Variants in LRRC7 observed in about 807,000 individuals in gnomAD.
LRRC7 encodes leucine-rich repeat-containing protein 7.
LRRC7 carries 23 observed loss-of-function variants against 175.7 expected under a neutral mutation model. The ratio of observed to expected loss-of-function variants is 0.13; its 90% CI spans 0.09 to 0.19. LRRC7 has a LOEUF of 0.19. Among genes scored for constraint, LRRC7 ranks in the 10% least tolerant of loss-of-function variants. The probability of loss-of-function intolerance (pLI) is 1.00; values close to 1 mark genes in which losing one functional copy is unlikely to be tolerated. For synonymous variants in LRRC7, 685 were observed against 680.9 expected, an observed-to-expected ratio of 1.01 and a Z score of -0.09; for missense variants, 1,354 against 1,904.7, an observed-to-expected ratio of 0.71 and a Z score of 5.38.
At chr1:69,848,074 A>G (rs1314311772) in intron 7 of LRRC7, among the ~76,000 whole-genome samples, 1 of 152,002 alleles carries the variant, frequency 6.6e-6, no homozygotes, top group African/African-American at 2.4e-5. Context: ...ATTATCCCTT[A>G]ACTTTCCCAC....
At chr1:69,824,877 G>A (rs779416652) in intron 4 of LRRC7, among the ~76,000 whole-genome samples, 8 of 152,070 alleles carry the variant, frequency 5.3e-5, no homozygotes, top group Non-Finnish European at 1.2e-4. Flanking sequence ...CAGGCATATC[G>A]CATAATAACA....
chr1:69,923,810 T>G lies in LRRC7; in HGVS notation c.648-7697T>G, dbSNP rs903444656. Among the ~76,000 whole-genome samples, 408 of 151,230 alleles carry G rather than the reference T, an allele frequency of 2.7e-3. 1 individual carries two copies. Among genetic ancestry groups the G allele is most frequent in the African/African-American group, 5.5e-3 (226 of 40,732 alleles). ...GTGCAGAAGCTCTTTAGTTTAATTA[T>G]ATCCCATTTGTCAATTTTGTCTTTT... is the stretch of plus-strand genomic sequence containing the variant. On this transcript the variant is annotated intron_variant, in intron 7 of 26. Transcript: ENST00000651989.
chr1:69,731,228 G>A (rs966598992), intron 2 of LRRC7, among the ~76,000 whole-genome samples: 1 of 152,062 alleles, frequency 6.6e-6, no homozygotes, highest in Non-Finnish European at 1.5e-5. Flanking sequence ...TGTGAACCTG[G>A]GAGGCTGAGC....
At chr1:69,922,783 ATTC>A (rs1420010183) in intron 7 of LRRC7, among the ~76,000 whole-genome samples, 1 of 151,716 alleles carries the variant, frequency 6.6e-6, no homozygotes, top group Non-Finnish European at 1.5e-5. Context: ...TCGAAATACT[ATTC>A]TTTTTTTTAA....
intron 4 of LRRC7, among the ~76,000 whole-genome samples, chr1:69,820,346 A>G (rs1279536887): frequency 6.6e-6 from 1 of 152,054 alleles, no homozygotes; most frequent in African/African-American, 2.4e-5. Context: ...CACACATTTT[A>G]GGTATTTGAT....
chr1:69,677,381 T>C (rs1379163380), intron 1 of LRRC7, among the ~76,000 whole-genome samples: 1 of 151,710 alleles, frequency 6.6e-6, no homozygotes, highest in Non-Finnish European at 1.5e-5. Context: ...GTAATAAACA[T>C]ATGAGTGCAG....
Position 69,568,198 on chromosome 1 carries a change from C to A in LRRC7, c.-442C>A, listed in dbSNP as rs1238297901. Among the ~76,000 whole-genome samples, 10 of 151,730 alleles carry A rather than the reference C, an allele frequency of 6.6e-5. No individual in the cohort carries two copies. Among genetic ancestry groups the A allele is most frequent in the Admixed American group, 6.6e-4 (10 of 15,260 alleles). On this transcript the variant is annotated 5_prime_UTR_variant, in exon 1 of 27. Coordinates refer to ENST00000651989, the MANE Select transcript of LRRC7 (RefSeq NM_001370785.2). ...TTACGGAGTTGGGTGCAGGATTCGC[C>A]TTTCCTGCTTGTCTCTTCTCCGCCC...
intron 4 of LRRC7, among the ~76,000 whole-genome samples, chr1:69,795,682 AC>A (rs1367544689): frequency 6.6e-6 from 1 of 152,032 alleles, no homozygotes; most frequent in Non-Finnish European, 1.5e-5. Flanking sequence ...TAGATGAGTG[AC>A]CCCTTAAAGA....
At chr1:69,965,327 G>A (rs1277916515) in intron 8 of LRRC7, among the ~76,000 whole-genome samples, 1 of 152,070 alleles carries the variant, frequency 6.6e-6, no homozygotes, top group Non-Finnish European at 1.5e-5. Context: ...GTCATTTCGT[G>A]TATTGTCATT....
chr1:69,807,180 T>C (rs897609238), intron 4 of LRRC7, among the ~76,000 whole-genome samples: 3 of 152,082 alleles, frequency 2.0e-5, no homozygotes, highest in Non-Finnish European at 2.9e-5. Context: ...ATTTTGAGCT[T>C]ATGTGTGTCT....
chr1:69,746,499 T>C (rs1669269280), intron 2 of LRRC7, among the ~76,000 whole-genome samples: 1 of 152,166 alleles, frequency 6.6e-6, no homozygotes, highest in Non-Finnish European at 1.5e-5. Context: ...TACCTGTATC[T>C]GAAAATATAG....
At chr1:69,590,299 G>A (rs1646580728) in intron 1 of LRRC7, among the ~76,000 whole-genome samples, 1 of 151,936 alleles carries the variant, frequency 6.6e-6, no homozygotes, top group African/African-American at 2.4e-5. Flanking sequence ...TATAAACTGG[G>A]GCTAATAATG....
intron 4 of LRRC7, among the ~76,000 whole-genome samples, chr1:69,817,587 G>T (rs1427343141): frequency 6.6e-6 from 1 of 151,824 alleles, no homozygotes; most frequent in Non-Finnish European, 1.5e-5. Context: ...TTTTCTTCTT[G>T]CTCAAAATTA....
intron 4 of LRRC7, among the ~76,000 whole-genome samples, chr1:69,824,417 G>A (rs1319920611): frequency 6.6e-6 from 1 of 152,084 alleles, no homozygotes; most frequent in Non-Finnish European, 1.5e-5. Flanking sequence ...AAGAGAAACA[G>A]GCTTTTTCAT....
At chr1:70,068,807 C>G (rs1662166819) in intron 23 of LRRC7, among the ~76,000 whole-genome samples, 1 of 152,092 alleles carries the variant, frequency 6.6e-6, no homozygotes, top group African/African-American at 2.4e-5. Context: ...CCCTTGAACT[C>G]CTGGGCTCAA....
intron 7 of LRRC7, among the ~76,000 whole-genome samples, chr1:69,891,928 T>C (rs1645846696): frequency 6.6e-6 from 1 of 151,748 alleles, no homozygotes; most frequent in Non-Finnish European, 1.5e-5. Context: ...TGAAGCACAA[T>C]AAAGTAAAGT....
intron 3 of LRRC7, 70 bp downstream of exon 3, chr1:69,760,463 T>A: frequency 7.5e-7 from 1 of 1,333,298 alleles, no homozygotes; most frequent in Non-Finnish European, 1.1e-6. Context: ...TTTATTATAA[T>A]GGTAATGTGA....
intron 2 of LRRC7, among the ~76,000 whole-genome samples, chr1:69,687,904 C>T (rs1661381585): frequency 6.6e-6 from 1 of 152,102 alleles, no homozygotes; most frequent in South Asian, 2.1e-4. Flanking sequence ...TATGATTTAG[C>T]CTTTTTCTAA....
At chr1:69,579,118 A>C (rs1646090198) in intron 1 of LRRC7, among the ~76,000 whole-genome samples, 1 of 152,110 alleles carries the variant, frequency 6.6e-6, no homozygotes, top group African/African-American at 2.4e-5. Context: ...ATTGGGTGTC[A>C]AGAGTTGTAA....
Sources: gnomAD v4.1 joint callset for allele counts (sites outside exome capture counted in the v4.1 genomes callset) on GRCh38, gnomAD v4.1.1 for gene constraint, MANE v1.5 for transcripts, NCBI Gene and HGNC (gene_info 2026-07-23, HGNC 2026-07-21) for gene names.